Variants in FAM151A observed in about 807,000 individuals in gnomAD.
The protein encoded by FAM151A is protein FAM151A.
In FAM151A, 41 loss-of-function variants were observed where a neutral mutation model predicts 40.4. That is an observed-to-expected ratio of 1.01 (90% CI 0.79 to 1.32). FAM151A has a LOEUF of 1.32. Among genes scored for constraint, FAM151A ranks in the 40% most tolerant of loss-of-function variants. FAM151A has a pLI of 0.00. For synonymous variants in FAM151A, 337 were observed against 312.5 expected (o/e 1.08, Z -0.83); for missense variants, 740 against 740.4 (o/e 1.00, Z 0.01).
At chr1:54,617,973 C>T (rs1364456110) in intron 2 of FAM151A, among the ~76,000 whole-genome samples, 2 of 150,912 alleles carry the variant, frequency 1.3e-5, no homozygotes, top group Non-Finnish European at 3.0e-5. Flanking sequence ...GTGATCCACC[C>T]GCCTCAGCCT....
rs868533061 is a variant in FAM151A, at chr1:54,609,729, T to G, written c.1297A>C (p.Ser433Arg). The G allele has an allele frequency of 6.2e-6, 10 of 1,614,140 alleles. No individual in the cohort carries two copies. Among genetic ancestry groups the G allele is most frequent in the Non-Finnish European group, 8.5e-6 (10 of 1,180,022 alleles). Residue 433 changes from serine to arginine, a missense_variant, in exon 8 of 8, where the codon AGC becomes CGC. By Grantham distance (110) the Ser-to-Arg change is moderately radical. Coordinates refer to ENST00000302250, the MANE Select transcript of FAM151A (RefSeq NM_176782.3). ...PSLALLARLS[S>R]LGLLHWPVWV... ...ACAGGCCAATGCAAGAGGCCAAGGC[T>G]GGAGAGGCGTGCCAGCAAGGCCAGG...
chr1:54,613,242 G>A (rs1347462596), intron 4 of FAM151A, among the ~76,000 whole-genome samples: 1 of 152,104 alleles, frequency 6.6e-6, no homozygotes, highest in East Asian at 1.9e-4. Flanking sequence ...AGCTGAACGT[G>A]GTGGCGCATG....
chr1:54,612,620 C>A lies in FAM151A; in HGVS notation c.666G>T (p.Thr222=), dbSNP rs200765716. 1.0e-4 allele frequency: 167 copies of A among 1,614,080 alleles called. No individual in the cohort carries two copies. In the East Asian group the frequency reaches 2.3e-3, roughly 22 times the overall value. The stretch of plus-strand genomic sequence containing the variant: ...TCTTCTCCACCATGGCTTGGGTGTA[C>A]GTCCTGTTTGGGGACGTGGACATGT... ...TFYMSTSPNR[T]YTQAMVEKMH... The change falls in exon 5 of 8, where the codon ACG becomes ACT. Residue 222 remains threonine (T), a synonymous_variant. Coordinates refer to ENST00000302250, the MANE Select transcript of FAM151A (RefSeq NM_176782.3).
chr1:54,619,769 G>A (rs1002532343), intron 2 of FAM151A, 95 bp downstream of exon 2: 3 of 1,313,010 alleles, frequency 2.3e-6, no homozygotes, highest in Non-Finnish European at 3.2e-6. Flanking sequence ...CAGCCATCAT[G>A]CCACCACAGT....
Position 54,610,320 on chromosome 1 carries a change from G to C in FAM151A, c.1084+92C>G, listed in dbSNP as rs3820113. The C allele has an allele frequency of 1.9e-6, 3 of 1,549,322 alleles. No individual in the cohort carries two copies. In the African/African-American group the frequency reaches 4.1e-5, roughly 21 times the overall value. On this transcript the variant is annotated intron_variant, in intron 7 of 7. Coordinates refer to ENST00000302250, the MANE Select transcript of FAM151A (RefSeq NM_176782.3). ...GGTATGGTGTAAATAAACCTGTGTT[G>C]CCATGGCAACAGAGACCGGCGGTAC...
At position 54,609,800 on chromosome 1, in the gene FAM151A, C is replaced by T. The variant is rs1168510274; in HGVS notation, c.1226G>A (p.Trp409Ter). Residue 409 changes from tryptophan (W) to a stop codon, truncating the protein, a stop_gained, in exon 8 of 8, where the codon TGG (tryptophan) becomes TAG (stop). Transcript: ENST00000302250. LOFTEE classifies it low-confidence loss of function (END_TRUNC). ...LQQLATHPGH[W>*]GIHLQIAEPA... ...CTCCGCTATTTGCAAATGGATGCCC[C>T]AGTGTCCGGGATGTGTGGCCAGCTG... The T allele has an allele frequency of 1.2e-5, 19 of 1,614,066 alleles. No homozygotes were observed. Among genetic ancestry groups the T allele is most frequent in the Non-Finnish European group, 1.5e-5 (18 of 1,180,030 alleles).
In FAM151A at chr1:54,611,763, G is replaced by A; in HGVS notation, c.801-18C>T. On this transcript the variant is annotated intron_variant, in intron 5 of 7. Transcript: ENST00000302250. ...GGCTGTACCTGGGGACACGAGAGCT[G>A]GCTCAGTGCCTGTCTGGGCCCAGCA... is the stretch of plus-strand genomic sequence containing the variant. 2 of 1,613,756 alleles carry A rather than the reference G, an allele frequency of 1.2e-6. No homozygotes were observed. The highest frequency in any genetic ancestry group is 1.7e-6 in the Non-Finnish European group (2 of 1,179,840).
Position 54,619,918 on chromosome 1 carries a change from C to A in FAM151A, c.208G>T (p.Val70Phe), listed in dbSNP as rs1443785696. 5.0e-6 allele frequency: 8 copies of A among 1,614,060 alleles called. No homozygotes were observed. Among genetic ancestry groups the A allele is most frequent in the Non-Finnish European group, 6.8e-6 (8 of 1,180,048 alleles). Residue 70 changes from valine to phenylalanine, a missense_variant, in exon 2 of 8, where the codon GTC becomes TTC. Transcript: ENST00000302250. ...GQISRRDALE[V>F]TWYHAANSKK... ...CTGTTGGCTGCGTGGTACCAGGTGA[C>A]CTCCAAGGCATCTCGCCGGCTGATC...
At position 54,610,452 on chromosome 1, in the gene FAM151A, G is replaced by C; in HGVS notation, c.1044C>G (p.Asp348Glu). The C allele has an allele frequency of 1.2e-6, 2 of 1,613,512 alleles. No homozygotes were observed. The highest frequency in any genetic ancestry group is 2.2e-5 in the South Asian group (2 of 91,054). Residue 348 changes from aspartate to glutamate, a missense_variant, in exon 7 of 8, where the codon GAC becomes GAG. Asp to Glu is a conservative substitution (Grantham distance 45). Transcript: ENST00000302250. ...DGLNVEWLVPDVQGSGKTATM... is the reference protein window; with the variant it reads ...DGLNVEWLVPEVQGSGKTATM... ...TTGCTGTTTTACCGCTGCCCTGGACGTCAGGAACCAGCCACTCCACATTCA... is the reference window on the plus strand; with the variant it reads ...TTGCTGTTTTACCGCTGCCCTGGACCTCAGGAACCAGCCACTCCACATTCA...
chr1:54,614,046 T>A (rs867957553), intron 4 of FAM151A, among the ~76,000 whole-genome samples: 9 of 152,334 alleles, frequency 5.9e-5, no homozygotes, highest in Admixed American at 1.3e-4. Context: ...TTAAAACAGT[T>A]CTGGGACACA....
rs1644250101 is a variant in FAM151A at position 54,623,364 on chromosome 1, T to C, written c.32A>G (p.Gln11Arg). MVCREQLSKN[Q>R]VKWVFAGITC... ...AATGCCGGCAAACACCCACTTGACC[T>C]GATTCTTTGATAACTGCTCCCTGCA... The change falls in exon 1 of 8, where the codon CAG becomes CGG. Residue 11 changes from glutamine (Q) to arginine (R), a missense_variant. Coordinates refer to ENST00000302250, the MANE Select transcript of FAM151A (RefSeq NM_176782.3). The C allele has an allele frequency of 6.2e-7, 1 of 1,613,310 alleles. No homozygotes were observed. The highest frequency in any genetic ancestry group is 1.3e-5 in the African/African-American group (1 of 74,734).
chr1:54,611,894 C>T (rs1418341882), intron 5 of FAM151A, 149 bp from the exon 6 acceptor site: 3 of 858,004 alleles, frequency 3.5e-6, no homozygotes, highest in African/African-American at 3.4e-5. Flanking sequence ...GAGTCCTACC[C>T]CTTCCCAAGG....
chr1:54,614,955 CAT>C, intron 3 of FAM151A, 96 bp from the exon 4 acceptor site: 3 of 896,708 alleles, frequency 3.3e-6, no homozygotes, highest in Non-Finnish European at 4.7e-6. Flanking sequence ...TGTGTGTGTG[CAT>C]GTGCGTGCAC....
intron 4 of FAM151A, 84 bp downstream of exon 4, chr1:54,614,616 A>G (rs754988553): frequency 2.8e-6 from 4 of 1,404,782 alleles, no homozygotes; most frequent in Admixed American, 2.2e-5. Flanking sequence ...AGACAAACTC[A>G]GAGGTCCCCT....
chr1:54,620,130 G>A lies in FAM151A; in HGVS notation c.119-123C>T, dbSNP rs562524880. On this transcript the variant is annotated intron_variant, in intron 1 of 7. Transcript: ENST00000302250. ...CCAGTACCCCATCTGGCAGAGGGAC[G>A]GTGAGGCTCAGACTCACTGGTGCTA... 4.5e-5 allele frequency: 47 copies of A among 1,054,486 alleles called. No homozygotes were observed. The East Asian group carries it at 4.7e-4, about 11-fold the overall frequency. 65.3% of individuals were successfully genotyped at this position (1,054,486 alleles called of 1,614,324 possible).
chr1:54,622,310 G>A (rs1447511753), intron 1 of FAM151A, among the ~76,000 whole-genome samples: 3 of 149,112 alleles, frequency 2.0e-5, no homozygotes, highest in Non-Finnish European at 3.0e-5. Flanking sequence ...GCCAGGTATG[G>A]TGGCTCATGC....
At chr1:54,619,006 C>T (rs1257128146) in intron 2 of FAM151A, among the ~76,000 whole-genome samples, 1 of 152,162 alleles carries the variant, frequency 6.6e-6, no homozygotes, top group Non-Finnish European at 1.5e-5. Context: ...ATAATGACCT[C>T]AAAAGAGCCC....
At position 54,609,219 on chromosome 1, in the gene FAM151A, C is replaced by CCTGGCACAACTCTAGCATATCT. The variant is rs1644078574; in HGVS notation, c.*48_*49insAGATATGCTAGAGTTGTGCCAG. 6.3e-7 allele frequency: 1 copy of CCTGGCACAACTCTAGCATATCT among 1,589,794 alleles called. No homozygotes were observed. The highest frequency in any genetic ancestry group is 1.3e-5 in the African/African-American group (1 of 74,368). The stretch of plus-strand genomic sequence containing the variant: ...AGACCTTTATTTCTTCCTGCCTCCC[C>CCTGGCACAACTCTAGCATATCT]GTGGGAAGCCTCCGCCCTGAGGTCC... On this transcript the variant is annotated 3_prime_UTR_variant, in exon 8 of 8. Transcript: ENST00000302250.
chr1:54,621,181 GC>G (rs1644226849), intron 1 of FAM151A, among the ~76,000 whole-genome samples: 1 of 150,448 alleles, frequency 6.6e-6, no homozygotes, highest in Non-Finnish European at 1.5e-5. Flanking sequence ...AAAAACCTGC[GC>G]GCGGCGGCTG....
Sources: gnomAD v4.1 joint callset for allele counts (sites outside exome capture counted in the v4.1 genomes callset) on GRCh38, gnomAD v4.1.1 for gene constraint, MANE v1.5 for transcripts, NCBI Gene and HGNC (gene_info 2026-07-23, HGNC 2026-07-21) for gene names.